PLD2: variants seen among roughly 807,000 people sequenced by gnomAD.
PLD2 encodes phospholipase D2.
PLD2 carries 101 observed loss-of-function variants against 119.8 expected under a neutral mutation model. The observed-to-expected ratio is 0.84, with a 90% CI of 0.72 to 0.99. PLD2 has a LOEUF of 0.99. PLD2 is among the 50% of genes least tolerant of loss of function. The probability of loss-of-function intolerance (pLI) is 0.00; values close to 1 mark genes in which losing one functional copy is unlikely to be tolerated. For missense variants in PLD2, 1,164 were observed against 1,226.8 expected, an observed-to-expected ratio of 0.95 and a Z score of 0.76; for synonymous variants, 494 against 482.8, an observed-to-expected ratio of 1.02 and a Z score of -0.30.
At chr17:4,818,911 C>G in intron 21 of PLD2, 88 bp downstream of exon 21, 1 of 1,493,376 alleles carries the variant, frequency 6.7e-7, no homozygotes, top group Non-Finnish European at 9.2e-7. Flanking sequence ...GGGAAGGAGG[C>G]TGTCACTCCT....
Position 4,808,478 on chromosome 17 carries a change from T to C in PLD2, c.383+62T>C, listed in dbSNP as rs1906105447. 8.4e-6 allele frequency: 13 copies of C among 1,547,008 alleles called. No homozygotes were observed. Among genetic ancestry groups the C allele is most frequent in the East Asian group, 4.5e-5 (2 of 44,430 alleles). ...TGCTCCCCACCCTCCTTTCTGTCTG[T>C]CTCACCCCGGGGCCACAACCTTTCC... On this transcript the variant is annotated intron_variant, in intron 4 of 24. Transcript: ENST00000263088. The surrounding 1 kb of genome is among the most constrained non-coding windows in gnomAD (Gnocchi z 4.1).
rs372148032 is a variant in PLD2 at position 4,815,204 on chromosome 17, A to C, written c.1174-272A>C. On this transcript the variant is annotated intron_variant, in intron 12 of 24. Transcript: ENST00000263088. The stretch of plus-strand genomic sequence containing the variant: ...GGGTAGGCAGGTAGATGGATGAATG[A>C]TAGACGGTACATAAAGGGATGAGTA... Among the ~76,000 whole-genome samples the C allele has an allele frequency of 2.6e-5, 4 of 152,158 alleles. No homozygotes were observed. The East Asian group carries it at 5.8e-4, about 22-fold the overall frequency.
Position 4,809,783 on chromosome 17 carries a change from G to A in PLD2, c.707G>A (p.Arg236Lys). Residue 236 changes from arginine to lysine, a missense_variant and splice_region_variant, in exon 8 of 25, where the codon AGG (arginine) becomes AAG (lysine). By Grantham distance (26) the Arg-to-Lys change is conservative (BLOSUM62 2). Coordinates refer to ENST00000263088, the MANE Select transcript of PLD2 (RefSeq NM_002663.5). ...CAAGTTTGTTATCGCTGGTCCAAGA[G>A]GTACGGGCTATGGCCAAGCAGCTGG... ...RDQVCYRWSK[R>K]WLVVKDSFLL... The A allele has an allele frequency of 6.2e-7, 1 of 1,614,176 alleles. No homozygotes were observed. The highest frequency in any genetic ancestry group is 8.5e-7 in the Non-Finnish European group (1 of 1,180,028).
In PLD2 at chr17:4,818,762, C is replaced by A; in HGVS notation, c.2124-12C>A. The A allele has an allele frequency of 6.2e-7, 1 of 1,614,150 alleles. No homozygotes were observed. On this transcript the variant is annotated splice_polypyrimidine_tract_variant and intron_variant, in intron 20 of 24. Coordinates refer to ENST00000263088, the MANE Select transcript of PLD2 (RefSeq NM_002663.5). ...CCAGCCTCCACTTCTCTCCCTCTTT[C>A]TTTTCTCTCAGGACCCTGTGTCGTG...
chr17:4,808,157 C>A lies in PLD2; in HGVS notation c.240+43C>A. On this transcript the variant is annotated intron_variant, in intron 3 of 24. Transcript: ENST00000263088. The surrounding 1 kb of genome is among the most constrained non-coding windows in gnomAD (Gnocchi z 4.1). ...AGGGAGGGGGAAAGGGAGGGCGGCC[C>A]GGAATGGATCCAAGGTGGCTGGGCT... 6.3e-7 allele frequency: 1 copy of A among 1,594,776 alleles called. No homozygotes were observed. Among genetic ancestry groups the A allele is most frequent in the South Asian group, 1.1e-5 (1 of 89,534 alleles).
At chr17:4,817,289 C>G in intron 17 of PLD2, 30 bp downstream of exon 17, 1 of 1,375,338 alleles carries the variant, frequency 7.3e-7, no homozygotes, top group Non-Finnish European at 1.0e-6. Context: ...CCAGCCCTCC[C>G]CTTTGTCTCC....
rs147037301 is a variant in PLD2 at position 4,808,415 on chromosome 17, C to T, written c.382C>T (p.Arg128Ter). Residue 128 changes from arginine (R) to a stop codon, truncating the protein, a stop_gained and splice_region_variant, in exon 4 of 25, where the codon CGA becomes TGA. Transcript: ENST00000263088. LOFTEE classifies it high-confidence loss of function. The surrounding 1 kb of genome is among the most constrained non-coding windows in gnomAD (Gnocchi z 4.1). ...KVLMSLLPLA[R>*]FAVAYSPARD... ...CTTGATGAGTCTGCTCCCTCTGGCT[C>T]GGTGAGGGCGACCGGACTGCTTCCT... The T allele has an allele frequency of 1.2e-4, 190 of 1,613,330 alleles. No homozygotes were observed. The highest frequency in any genetic ancestry group is 1.4e-4 in the Non-Finnish European group (171 of 1,179,616).
Position 4,815,898 on chromosome 17 carries a change from T to C in PLD2, c.1419T>C (p.Thr473=), listed in dbSNP as rs961665480. The change falls in exon 14 of 25, where the codon ACT becomes ACC. Residue 473 remains threonine, a synonymous_variant. Coordinates refer to ENST00000263088, the MANE Select transcript of PLD2 (RefSeq NM_002663.5). ...GRWDDLHYRL[T]DLGDSSESAA... ...GGGATGACCTGCACTACCGACTGAC[T>C]GACCTTGGAGACTCCTCTGAATCAG... 3.7e-6 allele frequency: 6 copies of C among 1,614,090 alleles called. No individual in the cohort carries two copies. Among genetic ancestry groups the C allele is most frequent in the Admixed American group, 1.7e-5 (1 of 59,992 alleles).
chr17:4,815,071 A>G (rs1906838340), intron 12 of PLD2, among the ~76,000 whole-genome samples: 2 of 152,140 alleles, frequency 1.3e-5, no homozygotes, highest in Admixed American at 1.3e-4. Context: ...GTTGATGGAC[A>G]GGAAGAAGGA....
chr17:4,819,669 A>T lies in PLD2; in HGVS notation c.2462+87A>T, dbSNP rs1401685975. On this transcript the variant is annotated intron_variant, in intron 23 of 24. Transcript: ENST00000263088. This position sits in a 1 kb window ranked among gnomAD's most constrained non-coding sequence, Gnocchi z 4.2. Reference sequence around the variant, plus strand: ...GGACAAGAGGTAGCACCGCATAGGTACTCCCGGAGCCAGAGGTAGAGGCAG... The same window carrying T: ...GGACAAGAGGTAGCACCGCATAGGTTCTCCCGGAGCCAGAGGTAGAGGCAG... The T allele has an allele frequency of 2.3e-6, 3 of 1,291,996 alleles. No individual in the cohort carries two copies. Among genetic ancestry groups the T allele is most frequent in the Non-Finnish European group, 2.1e-6 (2 of 937,818 alleles). The allele number at this position is 1,291,996 out of a possible 1,614,324, so 80.0% of individuals were successfully genotyped here.
chr17:4,818,554 C>T lies in PLD2; in HGVS notation c.2070C>T (p.Asp690=), dbSNP rs139443657. 1.9e-6 allele frequency: 3 copies of T among 1,614,012 alleles called. No individual in the cohort carries two copies. Among genetic ancestry groups the T allele is most frequent in the African/African-American group, 2.7e-5 (2 of 74,992 alleles). Residue 690 remains aspartate, a synonymous_variant, in exon 20 of 25, where the codon GAC becomes GAT. Transcript: ENST00000263088. The part of the protein sequence containing the change: ...LLPLLPGFEG[D]ISTGGGNSIQ... ...CCTTACTCCCTGGCTTCGAGGGTGA[C>T]ATCTCCACGGGCGGTGGCAACTCCA...
chr17:4,818,851 C>A (rs1567534232), intron 21 of PLD2, 28 bp downstream of exon 21: 3 of 1,607,766 alleles, frequency 1.9e-6, no homozygotes, highest in East Asian at 2.2e-5. Context: ...GGGGCTCAAG[C>A]CCTGGGCCCC....
chr17:4,811,530 G>A (rs916671803), intron 10 of PLD2, among the ~76,000 whole-genome samples: 12 of 152,116 alleles, frequency 7.9e-5, no homozygotes, highest in Middle Eastern at 3.4e-3. Flanking sequence ...CGCCCGCCTC[G>A]GCCTCCCGAA....
Position 4,822,711 on chromosome 17 carries a change from C to A in PLD2, c.2649C>A (p.Pro883=), listed in dbSNP as rs1296800642. ...RTLREYVAVE[P]LATVSPPLAR... is the part of the protein sequence containing the mutation. ...TCCGGGAGTACGTGGCCGTGGAGCC[C>A]TTGGCCACGGTCAGTCCCCCCTTGG... Residue 883 remains proline (P), a synonymous_variant, in exon 25 of 25, where the codon CCC becomes CCA. Transcript: ENST00000263088. The A allele has an allele frequency of 6.2e-7, 1 of 1,614,160 alleles. No individual in the cohort carries two copies. The highest frequency in any genetic ancestry group is 8.5e-7 in the Non-Finnish European group (1 of 1,179,988).
chr17:4,819,447 A>T lies in PLD2; in HGVS notation c.2327A>T (p.Asp776Val). 1 of 1,613,736 alleles carries T rather than the reference A, an allele frequency of 6.2e-7. No individual in the cohort carries two copies. The highest frequency in any genetic ancestry group is 1.3e-5 in the African/African-American group (1 of 75,022). The change falls in exon 23 of 25, where the codon GAC (aspartate) becomes GTC (valine). Residue 776 changes from aspartate (D) to valine (V), a missense_variant. By Grantham distance (152) the Asp-to-Val change is radical. Coordinates refer to ENST00000263088, the MANE Select transcript of PLD2 (RefSeq NM_002663.5). This position sits in a 1 kb window ranked among gnomAD's most constrained non-coding sequence, Gnocchi z 4.2. The part of the protein sequence containing the change: ...TVIIGSANIN[D>V]RSLLGKRDSE... The stretch of plus-strand genomic sequence containing the variant: ...ACCCCAGGTTCTGCAAACATCAATG[A>T]CCGGAGCTTGCTGGGGAAGCGGGAC...
At chr17:4,809,046 C>A (rs1906154638) in intron 4 of PLD2, 54 bp from the exon 5 acceptor site, 4 of 1,382,878 alleles carry the variant, frequency 2.9e-6, no homozygotes, top group Admixed American at 1.7e-5. Context: ...TTTTCAGGAA[C>A]CAGAGCACCC....
chr17:4,809,542 G>T lies in PLD2; in HGVS notation c.605G>T (p.Arg202Leu), dbSNP rs368249657. 1.2e-5 allele frequency: 19 copies of T among 1,605,922 alleles called. No individual in the cohort carries two copies. The highest frequency in any genetic ancestry group is 2.7e-5 in the African/African-American group (2 of 74,672). The change falls in exon 7 of 25, where the codon CGC (arginine) becomes CTC (leucine). Residue 202 changes from arginine (R) to leucine (L), a missense_variant. Coordinates refer to ENST00000263088, the MANE Select transcript of PLD2 (RefSeq NM_002663.5). Reference sequence around the variant, plus strand: ...CTGTCCTTTATCCCGGACTTGGGCCGCAAAGGACTGTGAGTGTCTGGCCCC... The same window carrying T: ...CTGTCCTTTATCCCGGACTTGGGCCTCAAAGGACTGTGAGTGTCTGGCCCC... ...SQLSFIPDLGRKGLEGMIRKR... is the reference protein window; with the variant it reads ...SQLSFIPDLGLKGLEGMIRKR...
intron 21 of PLD2, 106 bp from the exon 22 acceptor site, chr17:4,818,978 A>G: frequency 1.3e-6 from 2 of 1,533,642 alleles, no homozygotes; most frequent in Non-Finnish European, 1.8e-6. Flanking sequence ...GGAGAAGGAG[A>G]GAGACCAGAC....
rs1396653543 is a variant in PLD2, at chr17:4,807,494, C to G, written c.-2+269C>G. ...GCTGCTGCGCCGCCCCAGGTCGGAG[C>G]CTTCCGGGCCTGGCTGGGTGTTCCC... On this transcript the variant is annotated intron_variant, in intron 1 of 24. Transcript: ENST00000263088. The surrounding 1 kb of genome is among the most constrained non-coding windows in gnomAD (Gnocchi z 5.4). 6.4e-6 allele frequency: 2 copies of G among 310,728 alleles called. No homozygotes were observed. Among genetic ancestry groups the G allele is most frequent in the Middle Eastern group, 9.6e-4 (1 of 1,038 alleles). 19.2% of individuals were successfully genotyped at this position (310,728 alleles called of 1,614,324 possible). A position where few individuals can be genotyped will look rare whatever the true frequency, so the allele number is the denominator to read the frequency against.
Sources: gnomAD v4.1 joint callset for allele counts (sites outside exome capture counted in the v4.1 genomes callset) on GRCh38, gnomAD v4.1.1 for gene constraint, Gnocchi (gnomAD v3.1) non-coding constraint, MANE v1.5 for transcripts, NCBI Gene and HGNC (gene_info 2026-07-23, HGNC 2026-07-21) for gene names.